The following SGPP2 variants were observed in gnomAD, a reference collection of about 807,000 sequenced individuals.
The protein encoded by SGPP2 is sphingosine-1-phosphate phosphatase 2.
A neutral mutation model predicts 33.9 loss-of-function variants in SGPP2; 30 were observed. The observed-to-expected ratio is 0.89, with a 90% confidence interval of 0.66 to 1.20. SGPP2 has a LOEUF of 1.20. Ranked by LOEUF, SGPP2 falls within the 50% of genes most tolerant of loss-of-function variation. SGPP2 has a pLI of 0.00. For missense variants in SGPP2, 458 were observed against 532.1 expected (o/e 0.86, Z 1.37); for synonymous variants, 233 against 225.0 (o/e 1.04, Z -0.32).
intron 2 of SGPP2, among the ~76,000 whole-genome samples, chr2:222,483,381 G>A (rs898453558): frequency 2.0e-5 from 3 of 152,012 alleles, no homozygotes; most frequent in African/African-American, 7.3e-5. Flanking sequence ...CTTTTAGCAG[G>A]TTCTTCTGTT....
intron 4 of SGPP2, among the ~76,000 whole-genome samples, chr2:222,556,215 G>A (rs898712952): frequency 3.9e-5 from 6 of 152,040 alleles, no homozygotes; most frequent in African/African-American, 1.2e-4. Context: ...GCTCAATTTT[G>A]GTAACCAAGA....
chr2:222,538,843 TG>T (rs1300502757), intron 4 of SGPP2, among the ~76,000 whole-genome samples: 1 of 152,160 alleles, frequency 6.6e-6, no homozygotes, highest in Admixed American at 6.5e-5. Context: ...AAGGGGATGG[TG>T]CTAAACCATT....
intron 2 of SGPP2, among the ~76,000 whole-genome samples, chr2:222,511,779 G>A (rs1437316897): frequency 6.6e-6 from 1 of 152,142 alleles, no homozygotes; most frequent in Non-Finnish European, 1.5e-5. Context: ...CGAGGCTCAG[G>A]TGATCCTCCC....
chr2:222,521,311 G>C (rs1328323131), intron 2 of SGPP2, among the ~76,000 whole-genome samples: 2 of 152,224 alleles, frequency 1.3e-5, no homozygotes, highest in Non-Finnish European at 2.9e-5. Context: ...TCGTGTGGTA[G>C]TTTAAGCACA....
intron 2 of SGPP2, among the ~76,000 whole-genome samples, chr2:222,497,707 A>G (rs1012000251): frequency 4.6e-5 from 7 of 152,238 alleles, no homozygotes; most frequent in Non-Finnish European, 7.3e-5. Context: ...AGATTAAGCA[A>G]TGTACAAGAC....
intron 1 of SGPP2, among the ~76,000 whole-genome samples, chr2:222,437,230 C>T (rs545844670): frequency 5.9e-5 from 9 of 152,332 alleles, no homozygotes; most frequent in Non-Finnish European, 1.2e-4. Context: ...CTTCCAAGTC[C>T]GTGACCATCC....
At chr2:222,543,609 G>A (rs1217149099) in intron 4 of SGPP2, among the ~76,000 whole-genome samples, 2 of 152,168 alleles carry the variant, frequency 1.3e-5, no homozygotes, top group African/African-American at 4.8e-5. Flanking sequence ...ATAGCTTATT[G>A]TACTGTATTC....
chr2:222,464,258 C>G (rs947858784), intron 1 of SGPP2, among the ~76,000 whole-genome samples: 4 of 152,160 alleles, frequency 2.6e-5, no homozygotes, highest in Admixed American at 6.5e-5. Context: ...GCTCTCCCAC[C>G]CACTTTAAAA....
chr2:222,540,627 T>A (rs1333271118), intron 4 of SGPP2, among the ~76,000 whole-genome samples: 1 of 149,894 alleles, frequency 6.7e-6, no homozygotes, highest in Non-Finnish European at 1.5e-5. Context: ...TCAAGTGGAT[T>A]GCAATGGATA....
chr2:222,519,921 G>A (rs1698658310), intron 2 of SGPP2, among the ~76,000 whole-genome samples: 1 of 152,124 alleles, frequency 6.6e-6, no homozygotes, highest in South Asian at 2.1e-4. Context: ...ACTATTGATG[G>A]GCACCTAGGT....
intron 1 of SGPP2, among the ~76,000 whole-genome samples, chr2:222,449,217 G>A (rs775321407): frequency 6.6e-6 from 1 of 152,134 alleles, no homozygotes; most frequent in African/African-American, 2.4e-5. Context: ...GACATTGAGG[G>A]TGGGGCTGCT....
intron 2 of SGPP2, among the ~76,000 whole-genome samples, chr2:222,485,171 C>A (rs886672668): frequency 1.3e-5 from 2 of 152,194 alleles, no homozygotes; most frequent in Non-Finnish European, 2.9e-5. Flanking sequence ...GCCATGTTGC[C>A]TCAGATGGCG....
At chr2:222,451,536 G>C (rs916056420) in intron 1 of SGPP2, among the ~76,000 whole-genome samples, 3 of 152,218 alleles carry the variant, frequency 2.0e-5, no homozygotes, top group African/African-American at 4.8e-5. Context: ...GATGTCTGAA[G>C]GGCTGATGTG....
intron 2 of SGPP2, among the ~76,000 whole-genome samples, chr2:222,518,577 G>A (rs897196161): frequency 6.6e-6 from 1 of 152,098 alleles, no homozygotes; most frequent in East Asian, 1.9e-4. Context: ...CCCAGTAGTC[G>A]GTAATACCTG....
intron 2 of SGPP2, among the ~76,000 whole-genome samples, chr2:222,487,902 C>T (rs868444120): frequency 6.6e-6 from 1 of 152,124 alleles, no homozygotes; most frequent in Non-Finnish European, 1.5e-5. Context: ...TCATTTAACT[C>T]AACTCAGGGC....
chr2:222,514,560 G>C (rs1372986022), intron 2 of SGPP2, among the ~76,000 whole-genome samples: 1 of 152,174 alleles, frequency 6.6e-6, no homozygotes, highest in Admixed American at 6.5e-5. Flanking sequence ...CTACACAGTA[G>C]TTATGGCCTT....
At chr2:222,494,229 A>G (rs999817515) in intron 2 of SGPP2, among the ~76,000 whole-genome samples, 1 of 152,200 alleles carries the variant, frequency 6.6e-6, no homozygotes, top group African/African-American at 2.4e-5. Flanking sequence ...AATGAAGCCA[A>G]TTAAGATTTT....
At chr2:222,467,496 A>T (rs1024481632) in intron 1 of SGPP2, among the ~76,000 whole-genome samples, 4 of 152,142 alleles carry the variant, frequency 2.6e-5, no homozygotes, top group Admixed American at 6.5e-5. Flanking sequence ...AGATCAAGTC[A>T]TTTATGTGAA....
At chr2:222,445,651 C>T (rs1398909126) in intron 1 of SGPP2, among the ~76,000 whole-genome samples, 1 of 151,760 alleles carries the variant, frequency 6.6e-6, no homozygotes, top group African/African-American at 2.4e-5. Context: ...CTCAGAATCA[C>T]TTTGGAACGA....
Sources: allele counts gnomAD v4.1 joint callset (sites outside exome capture counted in the v4.1 genomes callset), GRCh38; gene constraint gnomAD v4.1.1; transcripts MANE v1.5; gene names NCBI Gene and HGNC (gene_info 2026-07-23, HGNC 2026-07-21).